ROBO2: variants seen among roughly 807,000 people sequenced by gnomAD.
ROBO2 encodes the protein roundabout homolog 2.
ROBO2 carries 53 observed loss-of-function variants against 160.8 expected under a neutral mutation model. The observed-to-expected ratio is 0.33, with a 90% CI of 0.26 to 0.41. ROBO2 has a LOEUF of 0.41. ROBO2 is among the 10% of genes least tolerant of loss of function. ROBO2 has a pLI of 1.00. For synonymous variants in ROBO2, 664 were observed against 611.7 expected (o/e 1.09, Z -1.26); for missense variants, 1,577 against 1,722.4 (o/e 0.92, Z 1.49).
chr3:76,101,605 T>A (rs745546297), intron 2 of ROBO2, among the ~76,000 whole-genome samples: 1 of 152,038 alleles, frequency 6.6e-6, no homozygotes, highest in Non-Finnish European at 1.5e-5. Context: ...TGTGCAGGTT[T>A]GTCACATACG....
chr3:77,565,125 T>G lies in ROBO2; in HGVS notation c.1849+5T>G. 6.2e-7 allele frequency: 1 copy of G among 1,613,430 alleles called. No individual in the cohort carries two copies. The highest frequency in any genetic ancestry group is 8.5e-7 in the Non-Finnish European group (1 of 1,179,592). ...CAGATCCTGTGCGCACACAAGGTAC[T>G]TTCAACAGCTGTCAACAAGACTGGT... On this transcript the variant is annotated splice_donor_5th_base_variant and intron_variant, in intron 12 of 25. Coordinates refer to ENST00000461745, the Ensembl canonical transcript of ROBO2.
In ROBO2 at chr3:76,269,267, T is replaced by C. The variant is rs539365352; in HGVS notation, c.109+331665T>C. ...CACATTGTATGCCTGGATCAAAACGTCTCATGTACCTCACAAATATGTACA... is the reference window on the plus strand; with the variant it reads ...CACATTGTATGCCTGGATCAAAACGCCTCATGTACCTCACAAATATGTACA... On this transcript the variant is annotated intron_variant, in intron 2 of 26. Transcript: ENST00000487694. Among the ~76,000 whole-genome samples, 3 of 152,190 alleles carry C rather than the reference T, an allele frequency of 2.0e-5. No individual in the cohort carries two copies. In the South Asian group the frequency reaches 6.2e-4, roughly 32 times the overall value.
intron 2 of ROBO2, among the ~76,000 whole-genome samples, chr3:76,126,461 C>A (rs2070993650): frequency 6.6e-6 from 1 of 151,926 alleles, no homozygotes. Context: ...TGAGGCATAC[C>A]TGTACAATAA....
upstream of ROBO2, among the ~76,000 whole-genome samples, chr3:77,039,420 G>T (rs1033629178): frequency 3.5e-4 from 54 of 152,284 alleles, no homozygotes; most frequent in African/African-American, 1.2e-3. Context: ...TCCGGCAGAC[G>T]GAGGGATGAA....
chr3:76,245,151 A>G (rs1400881488), intron 2 of ROBO2, among the ~76,000 whole-genome samples: 1 of 152,226 alleles, frequency 6.6e-6, no homozygotes, highest in African/African-American at 2.4e-5. Context: ...AATATTTCTC[A>G]TGTCATTTGT....
exon 16 of ROBO2, chr3:77,580,052 G>T (rs767493008): frequency 6.2e-7 from 1 of 1,613,892 alleles, no homozygotes; most frequent in South Asian, 1.1e-5. Context: ...TCAATACCGG[G>T]TAGAGGTTGC....
chr3:76,662,952 T>C (rs1466211169), intron 2 of ROBO2, among the ~76,000 whole-genome samples: 2 of 152,102 alleles, frequency 1.3e-5, no homozygotes, highest in Non-Finnish European at 2.9e-5. Context: ...AAATCTGAGA[T>C]AGATGAGTCA....
chr3:76,226,589 A>AT (rs1358362204), intron 2 of ROBO2, among the ~76,000 whole-genome samples: 5 of 152,244 alleles, frequency 3.3e-5, no homozygotes, highest in Non-Finnish European at 7.4e-5. Context: ...ATTATAATGT[A>AT]TTTTTTTATT....
At chr3:76,784,042 A>T (rs930450637) in intron 2 of ROBO2, among the ~76,000 whole-genome samples, 1 of 150,952 alleles carries the variant, frequency 6.6e-6, no homozygotes, top group South Asian at 2.1e-4. Flanking sequence ...GGAACACTGT[A>T]TTCTTCAGCT....
chr3:77,011,054 C>CTTTCTTCTTTCTTTCTTTCTTTCTTTCT, intron 2 of ROBO2, among the ~76,000 whole-genome samples: 1 of 106,816 alleles, frequency 9.4e-6, no homozygotes, highest in African/African-American at 3.7e-5. Context: ...TTCTTTCTTT[C>CTTTCTTCTTTCTTTCTTTCTTTCTTTCT]TTCTTTCTTT....
intron 2 of ROBO2, among the ~76,000 whole-genome samples, chr3:76,992,355 ATATATATATATAT>A (rs2060721056): frequency 2.9e-5 from 2 of 69,372 alleles, no homozygotes; most frequent in Non-Finnish European, 5.7e-5. Context: ...ATATATATAT[ATATATATATATAT>A]AAATTTAGCT....
chr3:76,578,502 A>C (rs1369911463), intron 2 of ROBO2, among the ~76,000 whole-genome samples: 5 of 152,158 alleles, frequency 3.3e-5, no homozygotes, highest in African/African-American at 1.2e-4. Context: ...TTCATTTGTA[A>C]CATTTTGCTG....
intron 2 of ROBO2, among the ~76,000 whole-genome samples, chr3:76,359,925 A>G (rs2075404734): frequency 6.6e-6 from 1 of 152,086 alleles, no homozygotes; most frequent in African/African-American, 2.4e-5. Flanking sequence ...GAAACATGAC[A>G]CATAGAGTAA....
At chr3:76,595,135 T>C (rs1408032170) in intron 2 of ROBO2, among the ~76,000 whole-genome samples, 1 of 152,018 alleles carries the variant, frequency 6.6e-6, no homozygotes, top group Non-Finnish European at 1.5e-5. Flanking sequence ...CACACTGATC[T>C]TGGAATACCC....
intron 1 of ROBO2, among the ~76,000 whole-genome samples, chr3:75,925,531 A>G (rs1947260851): frequency 6.6e-6 from 1 of 152,192 alleles, no homozygotes; most frequent in African/African-American, 2.4e-5. Flanking sequence ...TTCTGAAACT[A>G]TAGAAGCGTT....
At chr3:76,914,957 A>C in intron 2 of ROBO2, among the ~76,000 whole-genome samples, 1 of 152,350 alleles carries the variant, frequency 6.6e-6, no homozygotes, top group East Asian at 1.9e-4. Flanking sequence ...AGGTGACTAT[A>C]AAGGAAGAAT....
intron 2 of ROBO2, among the ~76,000 whole-genome samples, chr3:76,803,700 G>A (rs2064434875): frequency 6.6e-6 from 1 of 151,944 alleles, no homozygotes; most frequent in Non-Finnish European, 1.5e-5. Flanking sequence ...ATTTATGCAA[G>A]ACCAGGACCG....
intron 2 of ROBO2, among the ~76,000 whole-genome samples, chr3:76,395,497 C>CAA (rs568320732): frequency 2.4e-5 from 3 of 123,956 alleles, no homozygotes; most frequent in African/African-American, 1.0e-4. Context: ...GAAATAGAGA[C>CAA]AAAAAAAAAC....
chr3:76,859,410 A>G (rs1211041021), intron 2 of ROBO2, among the ~76,000 whole-genome samples: 1 of 152,244 alleles, frequency 6.6e-6, no homozygotes, highest in South Asian at 2.1e-4. Flanking sequence ...TGCGGGTGCT[A>G]AAGGTTTTCT....
Sources: gnomAD v4.1 joint callset for allele counts (sites outside exome capture counted in the v4.1 genomes callset) on GRCh38, gnomAD v4.1.1 for gene constraint, MANE v1.5 for transcripts, NCBI Gene and HGNC (gene_info 2026-07-23, HGNC 2026-07-21) for gene names.